The following CABLES1 variants were observed in gnomAD, a reference collection of about 807,000 sequenced individuals.
CABLES1 encodes the protein CDK5 and ABL1 enzyme substrate 1.
Under a neutral mutation model 57.8 loss-of-function variants are expected in CABLES1, and 36 were observed. The ratio of observed to expected loss-of-function variants is 0.62; its 90% CI spans 0.48 to 0.82. CABLES1 has a LOEUF of 0.82. Among genes scored for constraint, CABLES1 ranks in the 40% least tolerant of loss-of-function variants. The probability of loss-of-function intolerance (pLI) is 0.00; values close to 1 mark genes in which losing one functional copy is unlikely to be tolerated. For synonymous variants in CABLES1, 374 were observed against 363.0 expected (o/e 1.03, Z -0.35); for missense variants, 767 against 836.6 (o/e 0.92, Z 1.03).
intron 3 of CABLES1, among the ~76,000 whole-genome samples, chr18:23,212,388 T>A (rs1487411431): frequency 2.6e-5 from 4 of 152,196 alleles, no homozygotes; most frequent in Non-Finnish European, 4.4e-5. Context: ...TCAGAAGTGT[T>A]AGTAAGCTGA....
At chr18:23,193,485 C>T (rs868254716) in intron 2 of CABLES1, among the ~76,000 whole-genome samples, 4 of 26 alleles carry the variant, frequency 0.15, no homozygotes, top group Middle Eastern at 0.5. Context: ...AGCCACCACG[C>T]CCCAGCCCAG....
intron 4 of CABLES1, chr18:23,214,748 C>T (rs765049309): frequency 6.6e-6 from 1 of 152,270 alleles, no homozygotes; most frequent in Non-Finnish European, 1.5e-5. Context: ...CAGTTCACTG[C>T]GTAAGAAGTC....
intron 1 of CABLES1, among the ~76,000 whole-genome samples, chr18:23,177,165 C>T (rs73968813): frequency 8.7e-4 from 132 of 152,216 alleles, no homozygotes; most frequent in African/African-American, 3.0e-3. Context: ...TAAAGGCATT[C>T]TTCCAAAGCA....
chr18:23,238,165 A>G (rs1434653262), intron 7 of CABLES1, among the ~76,000 whole-genome samples: 1 of 152,264 alleles, frequency 6.6e-6, no homozygotes, highest in African/African-American at 2.4e-5. Context: ...GGAGTGAACC[A>G]GGGGGTCTTT....
chr18:23,183,317 G>A (rs1281413843), intron 1 of CABLES1, among the ~76,000 whole-genome samples: 1 of 152,124 alleles, frequency 6.6e-6, no homozygotes, highest in East Asian at 1.9e-4. Context: ...TATTCTAACA[G>A]TACCCTTGTG....
chr18:23,248,747 C>A (rs550835100), intron 7 of CABLES1, among the ~76,000 whole-genome samples: 8 of 152,116 alleles, frequency 5.3e-5, no homozygotes, highest in Non-Finnish European at 1.2e-4. Flanking sequence ...ATCGCTTGAA[C>A]CCAGGAGGCA....
At chr18:23,196,571 C>CAG (rs2047284396) in intron 3 of CABLES1, among the ~76,000 whole-genome samples, 1 of 152,204 alleles carries the variant, frequency 6.6e-6, no homozygotes, top group Non-Finnish European at 1.5e-5. Context: ...GAGAGGAATG[C>CAG]AGAAGCTCTG....
intron 1 of CABLES1, among the ~76,000 whole-genome samples, chr18:23,172,825 A>C (rs1473281456): frequency 6.6e-6 from 1 of 152,240 alleles, no homozygotes; most frequent in Non-Finnish European, 1.5e-5. Context: ...AGGCAGATGC[A>C]CTAATAATAT....
In CABLES1 at chr18:23,180,357, A is replaced by G. The variant is rs568108600; in HGVS notation, c.846-8481A>G. ...TCTGATGAATGTGAGGAGCAGGCTG[A>G]TGGTGCTGTGGCAGTCAACAGCTTA... is the stretch of plus-strand genomic sequence containing the variant. On this transcript the variant is annotated intron_variant, in intron 1 of 9. Transcript: ENST00000256925. Among the ~76,000 whole-genome samples the G allele has an allele frequency of 2.0e-5, 3 of 152,290 alleles. No homozygotes were observed. In the South Asian group the frequency reaches 6.2e-4, roughly 32 times the overall value.
intron 4 of CABLES1, among the ~76,000 whole-genome samples, chr18:23,221,333 C>T (rs1194894454): frequency 1.3e-5 from 2 of 152,166 alleles, no homozygotes; most frequent in South Asian, 4.1e-4. Context: ...GATAACTGTC[C>T]GTCTTCATGT....
At chr18:23,225,167 A>G (rs1416388570) in intron 4 of CABLES1, among the ~76,000 whole-genome samples, 2 of 152,190 alleles carry the variant, frequency 1.3e-5, no homozygotes, top group Non-Finnish European at 2.9e-5. Flanking sequence ...GTGCCCGGCC[A>G]TCACAGAGCT....
At chr18:23,159,033 T>G (rs1663734994) in intron 1 of CABLES1, among the ~76,000 whole-genome samples, 1 of 152,184 alleles carries the variant, frequency 6.6e-6, no homozygotes, top group African/African-American at 2.4e-5. Context: ...GGGCGCGATC[T>G]CGGCTCACTG....
chr18:23,154,173 A>G (rs892479095), intron 1 of CABLES1, among the ~76,000 whole-genome samples: 12 of 152,218 alleles, frequency 7.9e-5, no homozygotes, highest in African/African-American at 2.9e-4. Flanking sequence ...ACATGTTTGT[A>G]TCTGATTGCC....
rs1376340255 is a variant in CABLES1 at position 23,259,930 on chromosome 18, T to C, written c.*2563T>C. 1 of 152,308 alleles carries C rather than the reference T, an allele frequency of 6.6e-6. No individual in the cohort carries two copies. Among genetic ancestry groups the C allele is most frequent in the Non-Finnish European group, 1.5e-5 (1 of 68,182 alleles). 9.4% of individuals were successfully genotyped at this position (152,308 alleles called of 1,614,324 possible). A position where few individuals can be genotyped will look rare whatever the true frequency, so the allele number is the denominator to read the frequency against. Reference sequence around the variant, plus strand: ...CACACTCAGAGATCTGTGGGGAAGCTCCGCCCAGCCACACTCCTTGGGATA... The same window carrying C: ...CACACTCAGAGATCTGTGGGGAAGCCCCGCCCAGCCACACTCCTTGGGATA... On this transcript the variant is annotated 3_prime_UTR_variant, in exon 10 of 10. Coordinates refer to ENST00000256925, the MANE Select transcript of CABLES1 (RefSeq NM_001100619.3).
Position 23,135,759 on chromosome 18 carries a change from C to A in CABLES1, c.-4C>A, listed in dbSNP as rs1002596765. The A allele has an allele frequency of 4.7e-5, 46 of 987,428 alleles. No homozygotes were observed. The highest frequency in any genetic ancestry group is 5.4e-5 in the Non-Finnish European group (45 of 832,764). The allele number at this position is 987,428 out of a possible 1,614,324, so 61.2% of individuals were successfully genotyped here. ...TCGCGGAAATCCCGCCGCAGACGGA[C>A]ACAATGGCGGCGGCGGCGGCGGCCG... On this transcript the variant is annotated 5_prime_UTR_variant, in exon 1 of 10. Coordinates refer to ENST00000256925, the MANE Select transcript of CABLES1 (RefSeq NM_001100619.3).
In CABLES1 at chr18:23,240,067, G is replaced by A. The variant is rs1416847907; in HGVS notation, c.1446+2822G>A. On this transcript the variant is annotated intron_variant, in intron 7 of 9. Coordinates refer to ENST00000256925, the MANE Select transcript of CABLES1 (RefSeq NM_001100619.3). ...CAGGAGGCAGAGGCTGCAGTGAGCT[G>A]AGATTGTGCCACTGCACTCCAGCCT... 3.3e-5 allele frequency among the ~76,000 whole-genome samples: 5 copies of A among 152,204 alleles called. 1 individual carries two copies. Among genetic ancestry groups the A allele is most frequent in the Admixed American group, 3.3e-4 (5 of 15,288 alleles).
chr18:23,242,786 T>A lies in CABLES1; in HGVS notation c.1446+5541T>A, dbSNP rs781500980. Among the ~76,000 whole-genome samples, 171 of 152,300 alleles carry A rather than the reference T, an allele frequency of 1.1e-3. 1 individual carries two copies. The highest frequency in any genetic ancestry group is 1.8e-3 in the Non-Finnish European group (123 of 68,020). ...ATTAATCTCCATGATAAAATGCCTA[T>A]TTTTTATTTACCGAATATTAAAATC... On this transcript the variant is annotated intron_variant, in intron 7 of 9. Transcript: ENST00000256925.
At chr18:23,149,343 A>G (rs950580399) in intron 1 of CABLES1, among the ~76,000 whole-genome samples, 4 of 152,008 alleles carry the variant, frequency 2.6e-5, no homozygotes, top group Non-Finnish European at 4.4e-5. Flanking sequence ...GTGCAGTACT[A>G]CAATCTTGGC....
chr18:23,184,556 A>G (rs1371042511), intron 1 of CABLES1, among the ~76,000 whole-genome samples: 1 of 152,112 alleles, frequency 6.6e-6, no homozygotes, highest in Admixed American at 6.5e-5. Flanking sequence ...TACAAAAATT[A>G]GCTGGGTGTG....
Sources: gnomAD v4.1 joint callset for allele counts (sites outside exome capture counted in the v4.1 genomes callset) on GRCh38, gnomAD v4.1.1 for gene constraint, MANE v1.5 for transcripts, NCBI Gene and HGNC (gene_info 2026-07-23, HGNC 2026-07-21) for gene names.